PTMS: variants seen among roughly 807,000 people sequenced by gnomAD.
The protein encoded by PTMS is parathymosin.
A neutral mutation model predicts 18.4 loss-of-function variants in PTMS; 5 were observed. That is an observed-to-expected ratio of 0.27 (90% CI 0.14 to 0.57). PTMS has a LOEUF of 0.57. PTMS is among the 20% of genes least tolerant of loss of function. The probability of loss-of-function intolerance (pLI) is 0.92; values close to 1 mark genes in which losing one functional copy is unlikely to be tolerated. For synonymous variants in PTMS, 53 were observed against 47.7 expected (o/e 1.11, Z -0.46); for missense variants, 93 against 124.6 (o/e 0.75, Z 1.21).
chr12:6,767,602 G>GGT (rs1555110933), intron 1 of PTMS: 1 of 139,928 alleles, frequency 7.1e-6, no homozygotes, highest in African/African-American at 2.6e-5. Context: ...GTATGGCGGG[G>GGT]GGGGGGGGCG....
At chr12:6,769,240 G>A in intron 1 of PTMS, 1 of 283,156 alleles carries the variant, frequency 3.5e-6, no homozygotes, top group Non-Finnish European at 6.6e-6. Flanking sequence ...GAGGGACACA[G>A]GAGGGGGCGG....
chr12:6,766,980 G>T (rs868542323), intron 1 of PTMS, among the ~76,000 whole-genome samples: 1 of 151,436 alleles, frequency 6.6e-6, no homozygotes, highest in East Asian at 2.0e-4. Flanking sequence ...CGGCCTCGCC[G>T]CTCCGGTCGC....
chr12:6,769,246 G>T, intron 1 of PTMS: 1 of 298,658 alleles, frequency 3.3e-6, no homozygotes, highest in South Asian at 3.3e-5. Context: ...CACAGGAGGG[G>T]GCGGGGCACT....
intron 1 of PTMS, among the ~76,000 whole-genome samples, chr12:6,768,370 C>T (rs1005583543): frequency 3.9e-5 from 6 of 152,110 alleles, no homozygotes; most frequent in Admixed American, 6.5e-5. Flanking sequence ...GAAGACCTCA[C>T]GGTGGGGTGG....
chr12:6,769,725 C>G, intron 2 of PTMS, 51 bp downstream of exon 2: 1 of 1,607,536 alleles, frequency 6.2e-7, no homozygotes. Flanking sequence ...TCTTCCCTCC[C>G]AATCATCTCA....
chr12:6,770,682 A>G lies in PTMS; in HGVS notation c.*240A>G. On this transcript the variant is annotated 3_prime_UTR_variant, in exon 5 of 5. Transcript: ENST00000309083. The surrounding 1 kb of genome is among the most constrained non-coding windows in gnomAD (Gnocchi z 7.3). ...CATCTGAGCTCTCCAGCTGGCCCCC[A>G]ATTGCTCCTCTCTCTCTTTGCTCTC... The G allele has an allele frequency of 1.7e-6, 1 of 588,052 alleles. No homozygotes were observed. Among genetic ancestry groups the G allele is most frequent in the Admixed American group, 3.0e-5 (1 of 33,338 alleles). The allele number at this position is 588,052 out of a possible 1,614,324, so 36.4% of individuals were successfully genotyped here.
In PTMS at chr12:6,766,599, G is replaced by A. The variant is rs1453852288; in HGVS notation, c.-107G>A. The stretch of plus-strand genomic sequence containing the variant: ...CGCTGCCGCTGTCGCCGCCGCCGCC[G>A]CCACCGCGCCAGGTTCCGGCCGCGG... On this transcript the variant is annotated 5_prime_UTR_variant, in exon 1 of 5. Coordinates refer to ENST00000309083, the MANE Select transcript of PTMS (RefSeq NM_002824.6). 1.2e-5 allele frequency: 7 copies of A among 577,262 alleles called. No individual in the cohort carries two copies. Among genetic ancestry groups the A allele is most frequent in the South Asian group, 4.0e-5 (1 of 24,816 alleles). 35.8% of individuals were successfully genotyped at this position (577,262 alleles called of 1,614,324 possible). A position where few individuals can be genotyped will look rare whatever the true frequency, so the allele number is the denominator to read the frequency against.
chr12:6,766,676 C>A lies in PTMS; in HGVS notation c.-30C>A. ...CGTCTCGGCCCCGGGACCCCGGCTC[C>A]CCGCCAGCCCCGGCCCCGGCCCCGG... On this transcript the variant is annotated 5_prime_UTR_variant, in exon 1 of 5. Transcript: ENST00000309083. 1 of 1,119,630 alleles carries A rather than the reference C, an allele frequency of 8.9e-7. No individual in the cohort carries two copies. Among genetic ancestry groups the A allele is most frequent in the Non-Finnish European group, 1.1e-6 (1 of 911,738 alleles). 69.4% of individuals were successfully genotyped at this position (1,119,630 alleles called of 1,614,324 possible).
chr12:6,769,508 C>A, intron 1 of PTMS, 95 bp from the exon 2 acceptor site: 1 of 1,362,616 alleles, frequency 7.3e-7, no homozygotes, highest in Non-Finnish European at 1.1e-6. Flanking sequence ...GTTCACACAC[C>A]TCTAAGCTCA....
chr12:6,769,716 C>G lies in PTMS; in HGVS notation c.117+42C>G, dbSNP rs555110018. On this transcript the variant is annotated intron_variant, in intron 2 of 4. Coordinates refer to ENST00000309083, the MANE Select transcript of PTMS (RefSeq NM_002824.6). Reference sequence around the variant, plus strand: ...GAGAGGACCACATCTGCCCTACCATCTTCCCTCCCAATCATCTCATCCTTC... The same window carrying G: ...GAGAGGACCACATCTGCCCTACCATGTTCCCTCCCAATCATCTCATCCTTC... 26 of 1,608,868 alleles carry G rather than the reference C, an allele frequency of 1.6e-5. No homozygotes were observed. The South Asian group carries it at 2.7e-4, about 17-fold the overall frequency.
intron 1 of PTMS, among the ~76,000 whole-genome samples, chr12:6,768,338 A>G (rs1044509582): frequency 3.3e-5 from 5 of 152,100 alleles, no homozygotes; most frequent in Non-Finnish European, 5.9e-5. Context: ...GAAATGCCAT[A>G]CTGACCTTGT....
Position 6,770,368 on chromosome 12 carries a change from C to G in PTMS, c.259-24C>G, listed in dbSNP as rs769978689. 7 of 1,613,516 alleles carry G rather than the reference C, an allele frequency of 4.3e-6. No homozygotes were observed. The African/African-American group carries it at 9.4e-5, about 22-fold the overall frequency. On this transcript the variant is annotated intron_variant, in intron 4 of 4. Transcript: ENST00000309083. This position sits in a 1 kb window ranked among gnomAD's most constrained non-coding sequence, Gnocchi z 7.3. ...AGGTCTCCCCTCCCATTTTACAGCT[C>G]CCCCATTCTCTCCCTCTCCACAGGA...
At chr12:6,769,532 A>G in intron 1 of PTMS, 71 bp from the exon 2 acceptor site, 2 of 1,510,840 alleles carry the variant, frequency 1.3e-6, no homozygotes, top group South Asian at 1.1e-5. Context: ...CAGAGGGAGA[A>G]CTGGGGCTGC....
In PTMS at chr12:6,770,384, C is replaced by T. The variant is rs770932414; in HGVS notation, c.259-8C>T. 6 of 1,613,696 alleles carry T rather than the reference C, an allele frequency of 3.7e-6. No homozygotes were observed. The African/African-American group carries it at 8.0e-5, about 22-fold the overall frequency. ...TTTACAGCTCCCCCATTCTCTCCCT[C>T]TCCACAGGATGAAGCGGATCCCAAA... On this transcript the variant is annotated splice_polypyrimidine_tract_variant and splice_region_variant and intron_variant, in intron 4 of 4. Transcript: ENST00000309083. This position sits in a 1 kb window ranked among gnomAD's most constrained non-coding sequence, Gnocchi z 7.3.
chr12:6,767,411 T>G (rs941849674), intron 1 of PTMS: 2 of 152,170 alleles, frequency 1.3e-5, no homozygotes, highest in African/African-American at 2.4e-5. Flanking sequence ...GGCTGGGCAT[T>G]GCATGGCATT....
In PTMS at chr12:6,770,567, CTT is replaced by C. The variant is rs1301001569; in HGVS notation, c.*126_*127del. 5 of 1,118,372 alleles carry C rather than the reference CTT, an allele frequency of 4.5e-6. No homozygotes were observed. Among genetic ancestry groups the C allele is most frequent in the Non-Finnish European group, 6.7e-6 (5 of 751,818 alleles). 69.3% of individuals were successfully genotyped at this position (1,118,372 alleles called of 1,614,324 possible). A position where few individuals can be genotyped will look rare whatever the true frequency, so the allele number is the denominator to read the frequency against. On this transcript the variant is annotated 3_prime_UTR_variant, in exon 5 of 5. Coordinates refer to ENST00000309083, the MANE Select transcript of PTMS (RefSeq NM_002824.6). This position sits in a 1 kb window ranked among gnomAD's most constrained non-coding sequence, Gnocchi z 7.3. ...GGCCCTGCACCAGAGCTGCCACCCT[CTT>C]CTTTCTCCCCAGCCTTCTCATTTCC...
Position 6,766,437 on chromosome 12 carries a change from C to T in PTMS, c.-269C>T, listed in dbSNP as rs1464807137. ...ATCGAGCTACCGCGGCCGAGCGCGC[C>T]GGCCACCGCCTGCACCGCCCTTCCG... On this transcript the variant is annotated 5_prime_UTR_variant, in exon 1 of 5. Coordinates refer to ENST00000309083, the MANE Select transcript of PTMS (RefSeq NM_002824.6). The T allele has an allele frequency of 5.5e-6, 1 of 181,116 alleles. No individual in the cohort carries two copies. The highest frequency in any genetic ancestry group is 1.1e-5 in the Non-Finnish European group (1 of 89,298). The allele number at this position is 181,116 out of a possible 1,614,324, so 11.2% of individuals were successfully genotyped here.
chr12:6,770,088 T>G lies in PTMS; in HGVS notation c.197-69T>G. ...TGGGTTTGAAGACCTGAAGCAGGGC[T>G]GAGGGCGACCACGGGGGCTCTGCCA... is the stretch of plus-strand genomic sequence containing the variant. On this transcript the variant is annotated intron_variant, in intron 3 of 4. Coordinates refer to ENST00000309083, the MANE Select transcript of PTMS (RefSeq NM_002824.6). The surrounding 1 kb of genome is among the most constrained non-coding windows in gnomAD (Gnocchi z 7.3). The G allele has an allele frequency of 6.2e-7, 1 of 1,609,694 alleles. No individual in the cohort carries two copies. The highest frequency in any genetic ancestry group is 8.5e-7 in the Non-Finnish European group (1 of 1,178,124).
At position 6,766,606 on chromosome 12, in the gene PTMS, C is replaced by A. The variant is rs1941768666; in HGVS notation, c.-100C>A. ...GCTGTCGCCGCCGCCGCCGCCACCG[C>A]GCCAGGTTCCGGCCGCGGCCACCCT... is the stretch of plus-strand genomic sequence containing the variant. On this transcript the variant is annotated 5_prime_UTR_variant, in exon 1 of 5. Transcript: ENST00000309083. 1 of 666,720 alleles carries A rather than the reference C, an allele frequency of 1.5e-6. No individual in the cohort carries two copies. Among genetic ancestry groups the A allele is most frequent in the Admixed American group, 5.4e-5 (1 of 18,614 alleles). The allele number at this position is 666,720 out of a possible 1,614,324, so 41.3% of individuals were successfully genotyped here. A position where few individuals can be genotyped will look rare whatever the true frequency, so the allele number is the denominator to read the frequency against.
Sources: gnomAD v4.1 joint callset for allele counts (sites outside exome capture counted in the v4.1 genomes callset) on GRCh38, gnomAD v4.1.1 for gene constraint, Gnocchi (gnomAD v3.1) non-coding constraint, MANE v1.5 for transcripts, NCBI Gene and HGNC (gene_info 2026-07-23, HGNC 2026-07-21) for gene names.